Variants in HMGCLL1 observed in about 807,000 individuals in gnomAD.
HMGCLL1 encodes the protein 3-hydroxymethyl-3-methylglutaryl-CoA lyase, cytoplasmic.
HMGCLL1 carries 36 observed loss-of-function variants against 39.1 expected under a neutral mutation model. The ratio of observed to expected loss-of-function variants is 0.92; its 90% CI spans 0.71 to 1.22. HMGCLL1 has a LOEUF of 1.22. HMGCLL1 is among the 50% of genes most tolerant of loss of function. The pLI is 0.00. For synonymous variants in HMGCLL1, 149 were observed against 144.0 expected (o/e 1.03, Z -0.25); for missense variants, 451 against 416.5 (o/e 1.08, Z -0.72).
chr6:55,591,980 GTAATC>G, the HMGCLL1 span, among the ~76,000 whole-genome samples: 1 of 151,892 alleles, frequency 6.6e-6, no homozygotes, highest in Non-Finnish European at 1.5e-5. Flanking sequence ...TTTCAAGGCA[GTAATC>G]TATAGTTATT....
At chr6:55,456,338 C>T (rs942649271) in intron 7 of HMGCLL1, among the ~76,000 whole-genome samples, 3 of 152,160 alleles carry the variant, frequency 2.0e-5, no homozygotes, top group Non-Finnish European at 4.4e-5. Context: ...AATTCAATGT[C>T]ATCCTTACTT....
chr6:55,660,063 C>T, the HMGCLL1 span, among the ~76,000 whole-genome samples: 5 of 151,736 alleles, frequency 3.3e-5, no homozygotes, highest in African/African-American at 1.2e-4. Flanking sequence ...AGATTGTCTT[C>T]AAATTAGGGA....
At chr6:55,627,026 T>C in the HMGCLL1 span, among the ~76,000 whole-genome samples, 1 of 115,046 alleles carries the variant, frequency 8.7e-6, no homozygotes, top group African/African-American at 3.5e-5. Flanking sequence ...CCTTCAGGAA[T>C]GAAGGTTTGG....
intron 7 of HMGCLL1, among the ~76,000 whole-genome samples, chr6:55,441,579 G>C (rs1198303034): frequency 6.6e-6 from 1 of 152,124 alleles, no homozygotes; most frequent in Non-Finnish European, 1.5e-5. Context: ...TCTTTTATCT[G>C]TTCTGGGAGC....
the HMGCLL1 span, among the ~76,000 whole-genome samples, chr6:55,634,292 A>G: frequency 6.6e-6 from 1 of 152,072 alleles, no homozygotes; most frequent in Non-Finnish European, 1.5e-5. Context: ...AATGCTTGCT[A>G]AAACATCTGC....
the HMGCLL1 span, among the ~76,000 whole-genome samples, chr6:55,660,911 T>C: frequency 6.6e-6 from 1 of 151,978 alleles, no homozygotes; most frequent in Non-Finnish European, 1.5e-5. Context: ...ATAATAGTCA[T>C]TCTGACTGGT....
intron 1 of HMGCLL1, among the ~76,000 whole-genome samples, chr6:55,553,396 C>T (rs1183721827): frequency 6.6e-6 from 1 of 151,634 alleles, no homozygotes; most frequent in Admixed American, 6.6e-5. Context: ...CGAAATCAGG[C>T]CACCAAACTC....
intron 3 of HMGCLL1, among the ~76,000 whole-genome samples, chr6:55,517,261 C>A (rs1767789841): frequency 6.6e-6 from 1 of 152,006 alleles, no homozygotes; most frequent in African/African-American, 2.4e-5. Flanking sequence ...AAAAACTCAA[C>A]TTTGAATTAA....
chr6:55,463,780 C>T (rs1764685239), intron 7 of HMGCLL1, among the ~76,000 whole-genome samples: 1 of 152,154 alleles, frequency 6.6e-6, no homozygotes, highest in Non-Finnish European at 1.5e-5. Context: ...CGTTTTTCTG[C>T]TCCACGTATT....
At chr6:55,518,492 G>C (rs770343323) in intron 3 of HMGCLL1, among the ~76,000 whole-genome samples, 1 of 152,060 alleles carries the variant, frequency 6.6e-6, no homozygotes, top group Non-Finnish European at 1.5e-5. Context: ...TCTTTTCCTT[G>C]AAGCTGGGTA....
At chr6:55,579,712 T>A (rs1032668831), upstream of HMGCLL1, among the ~76,000 whole-genome samples, 1 of 152,176 alleles carries the variant, frequency 6.6e-6, no homozygotes, top group African/African-American at 2.4e-5. Flanking sequence ...AGAGGTAAGC[T>A]GTAAGTTGGT....
intron 7 of HMGCLL1, among the ~76,000 whole-genome samples, chr6:55,444,792 G>GA (rs1763744250): frequency 6.6e-6 from 1 of 151,952 alleles, no homozygotes; most frequent in Non-Finnish European, 1.5e-5. Flanking sequence ...GTAAATAAGT[G>GA]AAAATGAATG....
chr6:55,542,954 AAAT>A (rs1209671574), intron 1 of HMGCLL1, among the ~76,000 whole-genome samples: 23 of 120,850 alleles, frequency 1.9e-4, no homozygotes, highest in Admixed American at 1.8e-3. Context: ...AAGTGTATAT[AAAT>A]AATATATAAT....
chr6:55,475,160 C>A (rs529910340), intron 7 of HMGCLL1, among the ~76,000 whole-genome samples: 3 of 151,564 alleles, frequency 2.0e-5, no homozygotes, highest in Admixed American at 6.6e-5. Flanking sequence ...ATACCCTTTC[C>A]CCAGCTGGGA....
chr6:55,541,481 G>C (rs1769429076), intron 3 of HMGCLL1, among the ~76,000 whole-genome samples: 1 of 152,094 alleles, frequency 6.6e-6, no homozygotes, highest in East Asian at 1.9e-4. Flanking sequence ...CCCCTAAAAT[G>C]CTATTCAACG....
chr6:55,566,995 T>C (rs965462995), intron 1 of HMGCLL1, among the ~76,000 whole-genome samples: 6 of 152,144 alleles, frequency 3.9e-5, no homozygotes, highest in African/African-American at 7.2e-5. Flanking sequence ...AAACATTTAA[T>C]GAAGACCTAA....
chr6:55,514,196 C>A lies in HMGCLL1; in HGVS notation c.394G>T (p.Val132Phe), dbSNP rs751051634. 1.3e-6 allele frequency: 2 copies of A among 1,593,970 alleles called. No individual in the cohort carries two copies. The highest frequency in any genetic ancestry group is 1.8e-5 in the Admixed American group (1 of 54,582). The change falls in exon 5 of 9, where the codon GTT becomes TTT. Residue 132 changes from valine (V) to phenylalanine (F), a missense_variant and splice_region_variant. Physicochemically the swap from Val to Phe is conservative, Grantham distance 50. Transcript: ENST00000274901. The part of the protein sequence containing the change: ...TPNLQGFHHA[V>F]AAGATEISVF... ...GATATCTCAGTAGCTCCAGCAGCAA[C>A]CTGAAAAATATATAATTTAAAGCCA... is the stretch of plus-strand genomic sequence containing the variant.
chr6:55,516,413 A>T, intron 4 of HMGCLL1, 95 bp downstream of exon 4: 2 of 701,718 alleles, frequency 2.9e-6, no homozygotes, highest in Non-Finnish European at 4.9e-6. Context: ...TATTTGTATT[A>T]CAGATGAGTT....
At chr6:55,440,982 T>G (rs139281859) in intron 7 of HMGCLL1, among the ~76,000 whole-genome samples, 260 of 152,274 alleles carry the variant, frequency 1.7e-3, no homozygotes, top group African/African-American at 6.0e-3. Context: ...ATGGTTAACA[T>G]CTGTTACAGA....
Sources: allele counts gnomAD v4.1 joint callset (sites outside exome capture counted in the v4.1 genomes callset), GRCh38; gene constraint gnomAD v4.1.1; transcripts MANE v1.5; gene names NCBI Gene and HGNC (gene_info 2026-07-23, HGNC 2026-07-21).